NT5DC4: variants seen among roughly 807,000 people sequenced by gnomAD.
NT5DC4 encodes 5'-nucleotidase domain-containing protein 4.
NT5DC4 carries 44 observed loss-of-function variants against 26.6 expected under a neutral mutation model. The ratio of observed to expected loss-of-function variants is 1.65; its 90% CI spans 1.30 to 2.13. The LOEUF (loss-of-function observed/expected upper bound fraction) is 2.13, where lower values mean the gene tolerates loss of function less well. Among genes scored for constraint, NT5DC4 ranks in the 30% most tolerant of loss-of-function variants. NT5DC4 has a pLI of 0.00. For missense variants in NT5DC4, 399 were observed against 228.1 expected (o/e 1.75, Z -4.83); for synonymous variants, 157 against 86.7 (o/e 1.81, Z -4.51).
chr2:112,738,615 A>C (rs746135131), intron 16 of NT5DC4: 2 of 575,514 alleles, frequency 3.5e-6, no homozygotes, highest in Non-Finnish European at 3.1e-6. Flanking sequence ...GTATACTGTA[A>C]AACTGGCAAA....
chr2:112,726,352 C>T, intron 14 of NT5DC4, 63 bp downstream of exon 14: 1 of 715,416 alleles, frequency 1.4e-6, no homozygotes, highest in Non-Finnish European at 2.6e-6. Flanking sequence ...GGCAGTGGCT[C>T]ACATCCCTGC....
At chr2:112,724,219 G>A (rs145298023) in intron 10 of NT5DC4, 93 bp downstream of exon 10, 26 of 709,876 alleles carry the variant, frequency 3.7e-5, no homozygotes, top group Admixed American at 6.0e-5. Context: ...CCTCTCCCAC[G>A]TCCAGCCTCC....
chr2:112,726,185 AG>A, intron 13 of NT5DC4, 52 bp from the exon 14 acceptor site: 2 of 716,550 alleles, frequency 2.8e-6, no homozygotes. Context: ...AGGCAGGGCC[AG>A]TGGGTGACAC....
In NT5DC4 at chr2:112,721,562, G is replaced by C. The variant is rs145266855; in HGVS notation, c.75-256G>C. 206 of 717,754 alleles carry C rather than the reference G, an allele frequency of 2.9e-4. No homozygotes were observed. In the African/African-American group the frequency reaches 3.2e-3, roughly 11 times the overall value. The allele number at this position is 717,754 out of a possible 1,614,324, so 44.5% of individuals were successfully genotyped here. On this transcript the variant is annotated intron_variant, in intron 1 of 16. Coordinates refer to ENST00000688554, the MANE Select transcript of NT5DC4 (RefSeq NM_001393655.1). ...ATGCCTGCATGGTGGGACAGCAAGC[G>C]GCTGATTGCCCGCACACACTCAGAT... is the stretch of plus-strand genomic sequence containing the variant.
rs61214343 is a variant in NT5DC4, at chr2:112,723,140, A to G, written c.587A>G (p.Asp196Gly). 2.3e-3 allele frequency: 1,624 copies of G among 717,314 alleles called. 19 individuals are homozygous for G. The African/African-American group carries it at 0.025, about 11-fold the overall frequency. The allele number at this position is 717,314 out of a possible 1,614,324, so 44.4% of individuals were successfully genotyped here. A position where few individuals can be genotyped will look rare whatever the true frequency, so the allele number is the denominator to read the frequency against. Residue 196 changes from aspartate (D) to glycine (G), a missense_variant, in exon 7 of 17, where the codon GAT (aspartate) becomes GGT (glycine). Asp to Gly is a moderately conservative substitution (Grantham distance 94, BLOSUM62 -1). Coordinates refer to ENST00000688554, the MANE Select transcript of NT5DC4 (RefSeq NM_001393655.1). Reference protein sequence around the residue: ...LFMSFRSLFQDVTDAMNNIHQ... With the variant: ...LFMSFRSLFQGVTDAMNNIHQ... ...ATGTCCTTCCGAAGCCTCTTCCAGG[A>G]TGTGACTGATGCCATGAATAACATC...
chr2:112,736,918 G>A (rs1400302958), intron 16 of NT5DC4: 3 of 151,934 alleles, frequency 2.0e-5, no homozygotes, highest in Admixed American at 6.6e-5. Context: ...ATCTTTATGA[G>A]GTGATGATTT....
Position 112,726,703 on chromosome 2 carries a change from C to T in NT5DC4, c.1231C>T (p.Leu411=), listed in dbSNP as rs558013221. The change falls in exon 15 of 17, where the codon CTG becomes TTG. Residue 411 remains leucine, a synonymous_variant. Coordinates refer to ENST00000688554, the MANE Select transcript of NT5DC4 (RefSeq NM_001393655.1). The part of the protein sequence containing the change: ...YQHMDGSSCE[L]QVINFTKREI... The stretch of plus-strand genomic sequence containing the variant: ...GCACATGGATGGGAGCAGTTGTGAG[C>T]TGCAAGTCATCAACTTCACCAAGAG... The T allele has an allele frequency of 2.4e-4, 172 of 717,440 alleles. 1 individual carries two copies. The highest frequency in any genetic ancestry group is 8.0e-5 in the Non-Finnish European group (31 of 385,114). 44.4% of individuals were successfully genotyped at this position (717,440 alleles called of 1,614,324 possible). A position where few individuals can be genotyped will look rare whatever the true frequency, so the allele number is the denominator to read the frequency against.
At chr2:112,742,828 A>G, downstream of NT5DC4, 2 of 1,212,752 alleles carry the variant, frequency 1.6e-6, no homozygotes, top group South Asian at 1.3e-5. Flanking sequence ...AAAATTTGCT[A>G]AGGAACTTTA....
chr2:112,724,068 C>T (rs186234706), intron 9 of NT5DC4, 26 bp from the exon 10 acceptor site: 2 of 716,956 alleles, frequency 2.8e-6, no homozygotes, highest in Middle Eastern at 2.3e-4. Flanking sequence ...AAGCTTGGTG[C>T]CCTGACGCTG....
chr2:112,725,981 G>A (rs969843976), intron 13 of NT5DC4, among the ~76,000 whole-genome samples: 1 of 152,084 alleles, frequency 6.6e-6, no homozygotes, highest in Admixed American at 6.5e-5. Context: ...GAGAGCTGAG[G>A]CTTTAGGTTT....
At chr2:112,726,778 G>C in intron 15 of NT5DC4, 40 bp downstream of exon 15, 1 of 717,226 alleles carries the variant, frequency 1.4e-6, no homozygotes, top group Non-Finnish European at 2.6e-6. Flanking sequence ...GGCCCAGCAG[G>C]GGCGGAGCCG....
chr2:112,739,637 A>T (rs1336688472), downstream of NT5DC4, among the ~76,000 whole-genome samples: 1 of 152,192 alleles, frequency 6.6e-6, no homozygotes, highest in Non-Finnish European at 1.5e-5. Context: ...GGTTGAATTA[A>T]TGAATTCCAA....
At chr2:112,720,938 G>C (rs987893476), upstream of NT5DC4, among the ~76,000 whole-genome samples, 3 of 152,196 alleles carry the variant, frequency 2.0e-5, no homozygotes, top group Non-Finnish European at 4.4e-5. Flanking sequence ...AAAGGGGCTC[G>C]GGGGAGATGG....
At chr2:112,720,146 T>C (rs1676759405), upstream of NT5DC4, among the ~76,000 whole-genome samples, 1 of 151,002 alleles carries the variant, frequency 6.6e-6, no homozygotes, top group South Asian at 2.1e-4. Flanking sequence ...GTTCAAGCAA[T>C]TCTCCTGCCT....
intron 16 of NT5DC4, among the ~76,000 whole-genome samples, chr2:112,733,441 A>AG (rs956846307): frequency 6.2e-4 from 13 of 21,076 alleles, no homozygotes; most frequent in South Asian, 1.8e-3. Flanking sequence ...ATGGGGTGGG[A>AG]GGGGGGGACA....
intron 16 of NT5DC4, among the ~76,000 whole-genome samples, chr2:112,733,467 G>T (rs779207150): frequency 2.8e-4 from 43 of 152,138 alleles, no homozygotes; most frequent in Admixed American, 5.9e-4. Context: ...CCAAGTTCTG[G>T]CCCCTAAATT....
chr2:112,734,122 T>G (rs1678780710), intron 16 of NT5DC4, among the ~76,000 whole-genome samples: 1 of 151,078 alleles, frequency 6.6e-6, no homozygotes, highest in Non-Finnish European at 1.5e-5. Context: ...GACATGGAGC[T>G]TGGCCAGAGT....
upstream of NT5DC4, among the ~76,000 whole-genome samples, chr2:112,719,920 CTTTCTCTTTCTTTCTTTCTTTCTT>C (rs1676691239): frequency 1.1e-5 from 1 of 87,922 alleles, no homozygotes; most frequent in African/African-American, 5.7e-5. Context: ...TTCTTTCTTT[CTTTCTCTTTCTTTCTTTCTTTCTT>C]TCTTTCTTTC....
chr2:112,738,989 G>C lies in NT5DC4; in HGVS notation c.*53G>C. 6.2e-7 allele frequency: 1 copy of C among 1,614,156 alleles called. No individual in the cohort carries two copies. The highest frequency in any genetic ancestry group is 8.5e-7 in the Non-Finnish European group (1 of 1,180,022). ...GCGGGACACTGCTCGCTCAATCCTC[G>C]ACGAACGCCGTACAGGAGTGATAAA... On this transcript the variant is annotated 3_prime_UTR_variant, in exon 17 of 17. Coordinates refer to ENST00000688554, the MANE Select transcript of NT5DC4 (RefSeq NM_001393655.1).
Sources: allele counts gnomAD v4.1 joint callset (sites outside exome capture counted in the v4.1 genomes callset), GRCh38; gene constraint gnomAD v4.1.1; transcripts MANE v1.5; gene names NCBI Gene and HGNC (gene_info 2026-07-23, HGNC 2026-07-21).